ZNF518B: variants seen among roughly 807,000 people sequenced by gnomAD.
The protein encoded by ZNF518B is zinc finger protein 518B.
In ZNF518B, 23 loss-of-function variants were observed where a neutral mutation model predicts 56.3. The observed-to-expected ratio is 0.41, with a 90% CI of 0.29 to 0.58. ZNF518B has a LOEUF of 0.58. Ranked by LOEUF, ZNF518B falls within the 20% of genes least tolerant of loss-of-function variation. ZNF518B has a pLI of 0.32. For synonymous variants in ZNF518B, 529 were observed against 465.9 expected, an observed-to-expected ratio of 1.14 and a Z score of -1.74; for missense variants, 1,460 against 1,272.1, an observed-to-expected ratio of 1.15 and a Z score of -2.25.
rs191651761 is a variant in ZNF518B, at chr4:10,447,030, A to C, written c.-211-491T>G. Among the ~76,000 whole-genome samples the C allele has an allele frequency of 4.0e-3, 613 of 152,232 alleles. 18 individuals carry two copies. The highest frequency in any genetic ancestry group is 0.038 in the Admixed American group (575 of 15,290). On this transcript the variant is annotated intron_variant, in intron 2 of 2. Transcript: ENST00000326756. ...TATCAGCTTGAATACCAACTCTCTC[A>C]CTTACATGCTTAATTTGCCTTCATG... is the stretch of plus-strand genomic sequence containing the variant.
In ZNF518B at chr4:10,446,051, G is replaced by T; in HGVS notation, c.278C>A (p.Ala93Glu). The T allele has an allele frequency of 1.2e-6, 2 of 1,614,064 alleles. No homozygotes were observed. The highest frequency in any genetic ancestry group is 1.7e-6 in the Non-Finnish European group (2 of 1,180,018). Residue 93 changes from alanine to glutamate, a missense_variant, in exon 3 of 3, where the codon GCA becomes GAA. Coordinates refer to ENST00000326756, the MANE Select transcript of ZNF518B (RefSeq NM_053042.3). ...CACAAAATGAAAATTGGGAGGAGCT[G>T]CACCGAGGCTGCACTGGAAGCAGAC... ...MYVCFQCSLG[A>E]APPNFHFVSN...
chr4:10,454,639 GAT>G (rs1228996064), intron 2 of ZNF518B, 164 bp downstream of exon 2: 5 of 152,210 alleles, frequency 3.3e-5, no homozygotes, highest in Admixed American at 3.3e-4. Flanking sequence ...CTTCTTCCCT[GAT>G]TAACAGGTCT....
In ZNF518B at chr4:10,443,740, G is replaced by T. The variant is rs781088595; in HGVS notation, c.2589C>A (p.Leu863=). 4 of 1,614,190 alleles carry T rather than the reference G, an allele frequency of 2.5e-6. No homozygotes were observed. The East Asian group carries it at 6.7e-5, about 27-fold the overall frequency. ...CACTGCTTCCTTGCTGTCCATACAA[G>T]AGGCCAGTTTTTCTATGGATGGTGC... is the stretch of plus-strand genomic sequence containing the variant. The part of the protein sequence containing the change: ...VCSTIHRKTG[L]LYGQQGSSEL... Residue 863 remains leucine, a synonymous_variant, in exon 3 of 3, where the codon CTC becomes CTA. Transcript: ENST00000326756.
rs1248835978 is a variant in ZNF518B, at chr4:10,444,189, G to A, written c.2140C>T (p.Leu714Phe). The change falls in exon 3 of 3, where the codon CTC becomes TTC. Residue 714 changes from leucine (L) to phenylalanine (F), a missense_variant. Physicochemically the swap from Leu to Phe is conservative, Grantham distance 22 (BLOSUM62 0). Transcript: ENST00000326756. Reference protein sequence around the residue: ...SEGIQEINVSLTGLGHSTGTL... With the variant: ...SEGIQEINVSFTGLGHSTGTL... ...CCTGTGGAATGGCCAAGACCAGTGA[G>A]TGACACGTTGATTTCTTGAATACCT... is the stretch of plus-strand genomic sequence containing the variant. 6.2e-7 allele frequency: 1 copy of A among 1,614,226 alleles called. No homozygotes were observed. Among genetic ancestry groups the A allele is most frequent in the East Asian group, 2.2e-5 (1 of 44,884 alleles).
rs1714931126 is a variant in ZNF518B, at chr4:10,445,133, G to T, written c.1196C>A (p.Ser399Tyr). 1 of 1,613,998 alleles carries T rather than the reference G, an allele frequency of 6.2e-7. No individual in the cohort carries two copies. The highest frequency in any genetic ancestry group is 8.5e-7 in the Non-Finnish European group (1 of 1,180,006). Reference sequence around the variant, plus strand: ...TGTCAGTGACTTTGTTTTTTCTGCAGAAAGTACTTTTTCTTGTTCATTTGA... The same window carrying T: ...TGTCAGTGACTTTGTTTTTTCTGCATAAAGTACTTTTTCTTGTTCATTTGA... ...KGSNEQEKVL[S>Y]AEKTKSLTVD... The change falls in exon 3 of 3, where the codon TCT becomes TAT. Residue 399 changes from serine to tyrosine, a missense_variant. By Grantham distance (144) the Ser-to-Tyr change is moderately radical. Transcript: ENST00000326756.
intron 2 of ZNF518B, chr4:10,451,334 G>T (rs1715303249): frequency 1.3e-5 from 2 of 152,198 alleles, no homozygotes; most frequent in South Asian, 2.1e-4. Flanking sequence ...AATTTGAAGA[G>T]AAGTAAGTGG....
At position 10,443,639 on chromosome 4, in the gene ZNF518B, G is replaced by C. The variant is rs1244459454; in HGVS notation, c.2690C>G (p.Ser897Cys). The part of the protein sequence containing the change: ...SRNKTKQVHL[S>C]RKKNKIQAEP... ...AGCTTGAATTTTGTTTTTCTTCCTGGATAAGTGTACTTGTTTGGTTTTATT... is the reference window on the plus strand; with the variant it reads ...AGCTTGAATTTTGTTTTTCTTCCTGCATAAGTGTACTTGTTTGGTTTTATT... Residue 897 changes from serine to cysteine, a missense_variant, in exon 3 of 3, where the codon TCC (serine) becomes TGC (cysteine). By Grantham distance (112) the Ser-to-Cys change is moderately radical. Coordinates refer to ENST00000326756, the MANE Select transcript of ZNF518B (RefSeq NM_053042.3). 2 of 1,614,086 alleles carry C rather than the reference G, an allele frequency of 1.2e-6. No homozygotes were observed. Among genetic ancestry groups the C allele is most frequent in the African/African-American group, 2.7e-5 (2 of 75,030 alleles).
At position 10,443,059 on chromosome 4, in the gene ZNF518B, C is replaced by T. The variant is rs1714753008; in HGVS notation, c.*45G>A. ...GAATCTTGGTGGAGGGACTCCAAAC[C>T]AGAATAAACTAAAAGATAACTTGCT... On this transcript the variant is annotated 3_prime_UTR_variant, in exon 3 of 3. Coordinates refer to ENST00000326756, the MANE Select transcript of ZNF518B (RefSeq NM_053042.3). The T allele has an allele frequency of 6.5e-7, 1 of 1,540,208 alleles. No homozygotes were observed. The highest frequency in any genetic ancestry group is 1.7e-4 in the Middle Eastern group (1 of 5,720).
chr4:10,440,024 C>T lies in ZNF518B; in HGVS notation c.*3080G>A, dbSNP rs1305830041. ...TTACAATAATGCTTAAAACATGTTA[C>T]ACAATGTTTTGTTTCTGCTCATATA... On this transcript the variant is annotated 3_prime_UTR_variant, in exon 3 of 3. Transcript: ENST00000326756. The T allele has an allele frequency of 6.6e-6, 1 of 152,590 alleles. No individual in the cohort carries two copies. The highest frequency in any genetic ancestry group is 2.4e-5 in the African/African-American group (1 of 41,442). The allele number at this position is 152,590 out of a possible 1,614,324, so 9.5% of individuals were successfully genotyped here. A position where few individuals can be genotyped will look rare whatever the true frequency, so the allele number is the denominator to read the frequency against.
Position 10,443,692 on chromosome 4 carries a change from C to T in ZNF518B, c.2637G>A (p.Leu879=), listed in dbSNP as rs563574814. 5 of 1,614,008 alleles carry T rather than the reference C, an allele frequency of 3.1e-6. No homozygotes were observed. The highest frequency in any genetic ancestry group is 4.2e-6 in the Non-Finnish European group (5 of 1,180,030). The part of the protein sequence containing the change: ...GSSELNKQGR[L]LSRSLSISRN... Reference sequence around the variant, plus strand: ...TACTTATAGAAAGACTTCTGGAAAGCAGTCTCCCTTGCTTATTTAATTCAC... The same window carrying T: ...TACTTATAGAAAGACTTCTGGAAAGTAGTCTCCCTTGCTTATTTAATTCAC... Residue 879 remains leucine (L), a synonymous_variant, in exon 3 of 3, where the codon CTG becomes CTA. Coordinates refer to ENST00000326756, the MANE Select transcript of ZNF518B (RefSeq NM_053042.3).
chr4:10,449,777 A>G (rs1213109460), intron 2 of ZNF518B, among the ~76,000 whole-genome samples: 11 of 152,182 alleles, frequency 7.2e-5, no homozygotes, highest in African/African-American at 2.4e-5. Context: ...AACACCCTCT[A>G]TATTAGCCCT....
At chr4:10,451,585 A>G (rs188779023) in intron 2 of ZNF518B, 12 of 152,274 alleles carry the variant, frequency 7.9e-5, no homozygotes, top group Admixed American at 7.8e-4. Flanking sequence ...TACCAATCAC[A>G]TAGTCAGAGG....
Position 10,446,401 on chromosome 4 carries a change from C to T in ZNF518B, c.-73G>A, listed in dbSNP as rs1223720961. On this transcript the variant is annotated 5_prime_UTR_variant, in exon 3 of 3. Coordinates refer to ENST00000326756, the MANE Select transcript of ZNF518B (RefSeq NM_053042.3). ...ACATGATAAAATCCTTAGGAGATATCCTTCTATACAGTTTGTGATGGGTAG... is the reference window on the plus strand; with the variant it reads ...ACATGATAAAATCCTTAGGAGATATTCTTCTATACAGTTTGTGATGGGTAG... The T allele has an allele frequency of 2.1e-6, 3 of 1,418,612 alleles. No individual in the cohort carries two copies. The highest frequency in any genetic ancestry group is 2.9e-5 in the African/African-American group (2 of 69,838). 87.9% of individuals were successfully genotyped at this position (1,418,612 alleles called of 1,614,324 possible).
Position 10,442,408 on chromosome 4 carries a change from T to C in ZNF518B, c.*696A>G, listed in dbSNP as rs546620438. On this transcript the variant is annotated 3_prime_UTR_variant, in exon 3 of 3. Coordinates refer to ENST00000326756, the MANE Select transcript of ZNF518B (RefSeq NM_053042.3). Reference sequence around the variant, plus strand: ...TCCCATATGTCATAAACCAATGTATTTTAAAGAAAGCAAAAGCTAAGTATT... The same window carrying C: ...TCCCATATGTCATAAACCAATGTATCTTAAAGAAAGCAAAAGCTAAGTATT... 7 of 152,380 alleles carry C rather than the reference T, an allele frequency of 4.6e-5. No individual in the cohort carries two copies. Among genetic ancestry groups the C allele is most frequent in the Admixed American group, 2.6e-4 (4 of 15,310 alleles). 9.4% of individuals were successfully genotyped at this position (152,380 alleles called of 1,614,324 possible).
chr4:10,454,670 T>C (rs1715456979), intron 2 of ZNF518B, 135 bp downstream of exon 2: 1 of 152,220 alleles, frequency 6.6e-6, no homozygotes. Flanking sequence ...TATATGGCTT[T>C]TTGAAGATCA....
At position 10,446,547 on chromosome 4, in the gene ZNF518B, A is replaced by G. The variant is rs1715064485; in HGVS notation, c.-211-8T>C. On this transcript the variant is annotated splice_region_variant and splice_polypyrimidine_tract_variant and intron_variant, in intron 2 of 2. Coordinates refer to ENST00000326756, the MANE Select transcript of ZNF518B (RefSeq NM_053042.3). ...CTGACATTCCAGGTAACACTAAAGG[A>G]AAACAAAATTATAAAGCATGATTAA... is the stretch of plus-strand genomic sequence containing the variant. The G allele has an allele frequency of 6.1e-6, 3 of 493,012 alleles. No homozygotes were observed. In the South Asian group the frequency reaches 1.4e-4, roughly 23 times the overall value. 30.5% of individuals were successfully genotyped at this position (493,012 alleles called of 1,614,324 possible).
At chr4:10,448,916 T>A in intron 2 of ZNF518B, among the ~76,000 whole-genome samples, 1 of 152,186 alleles carries the variant, frequency 6.6e-6, no homozygotes. Context: ...TCCCAGGATT[T>A]CTGCTGCTCA....
At position 10,445,206 on chromosome 4, in the gene ZNF518B, C is replaced by T. The variant is rs1409738662; in HGVS notation, c.1123G>A (p.Gly375Arg). 1 of 1,614,068 alleles carries T rather than the reference C, an allele frequency of 6.2e-7. No homozygotes were observed. The highest frequency in any genetic ancestry group is 1.3e-5 in the African/African-American group (1 of 74,924). The change falls in exon 3 of 3, where the codon GGG becomes AGG. Residue 375 changes from glycine (G) to arginine (R), a missense_variant. Coordinates refer to ENST00000326756, the MANE Select transcript of ZNF518B (RefSeq NM_053042.3). The part of the protein sequence containing the change: ...PLEENNCLEA[G>R]RDNGGNSERM... ...TCAGAATTACCTCCATTATCCCTCC[C>T]AGCTTCAAGGCAATTATTTTCTTCC...
intron 2 of ZNF518B, among the ~76,000 whole-genome samples, chr4:10,448,577 G>A (rs1289085443): frequency 1.3e-5 from 2 of 151,960 alleles, no homozygotes; most frequent in East Asian, 1.9e-4. Context: ...ATGAAATCAA[G>A]CCCTCAGTCA....
Sources: gnomAD v4.1 joint callset for allele counts (sites outside exome capture counted in the v4.1 genomes callset) on GRCh38, gnomAD v4.1.1 for gene constraint, MANE v1.5 for transcripts, NCBI Gene and HGNC (gene_info 2026-07-23, HGNC 2026-07-21) for gene names.